HSD17B12: variants seen among roughly 807,000 people sequenced by gnomAD.
HSD17B12 encodes the protein hydroxysteroid 17-beta dehydrogenase 12, also known as very-long-chain 3-oxoacyl-CoA reductase.
HSD17B12 carries 32 observed loss-of-function variants against 39.3 expected under a neutral mutation model. The observed-to-expected ratio is 0.81, with a 90% CI of 0.61 to 1.09. HSD17B12 has a LOEUF of 1.09. Ranked by LOEUF, HSD17B12 falls within the 50% of genes least tolerant of loss-of-function variation. HSD17B12 has a pLI of 0.00. For synonymous variants in HSD17B12, 150 were observed against 146.7 expected (o/e 1.02, Z -0.16); for missense variants, 342 against 382.9 (o/e 0.89, Z 0.89).
the HSD17B12 span, among the ~76,000 whole-genome samples, chr11:43,609,427 G>A: frequency 1.2e-4 from 18 of 151,554 alleles, no homozygotes; most frequent in African/African-American, 4.1e-4. Flanking sequence ...GTGCAGTGGT[G>A]CAGTCATGGT....
chr11:43,629,157 T>A, the HSD17B12 span, among the ~76,000 whole-genome samples: 1 of 152,200 alleles, frequency 6.6e-6, no homozygotes, highest in Admixed American at 6.5e-5. Context: ...GAAACATCTT[T>A]ATTCCTCTCT....
intron 1 of HSD17B12, among the ~76,000 whole-genome samples, chr11:43,683,688 CAA>C (rs1949772686): frequency 6.6e-6 from 1 of 152,162 alleles, no homozygotes; most frequent in African/African-American, 2.4e-5. Context: ...ATCTTAATCT[CAA>C]GAGTCTCTGT....
Position 43,816,326 on chromosome 11 carries a change from AT to A in HSD17B12, c.457-19del. Reference sequence around the variant, plus strand: ...ACTTTCATGATCAAGTGTATATAAAATTCTCAATATTTTTTTGCAGGTGATC... The same window carrying A: ...ACTTTCATGATCAAGTGTATATAAAATCTCAATATTTTTTTGCAGGTGATC... On this transcript the variant is annotated intron_variant, in intron 5 of 10. Coordinates refer to ENST00000278353, the MANE Select transcript of HSD17B12 (RefSeq NM_016142.3). The A allele has an allele frequency of 6.8e-7, 1 of 1,465,314 alleles. No homozygotes were observed. Among genetic ancestry groups the A allele is most frequent in the Non-Finnish European group, 9.2e-7 (1 of 1,081,522 alleles). 90.8% of individuals were successfully genotyped at this position (1,465,314 alleles called of 1,614,324 possible).
the HSD17B12 span, among the ~76,000 whole-genome samples, chr11:43,637,217 CTTT>C: frequency 4.6e-5 from 5 of 109,464 alleles, no homozygotes; most frequent in African/African-American, 6.4e-5. Flanking sequence ...GGTGTTTTTC[CTTT>C]TTTTTTTTTT....
At chr11:43,849,244 G>C (rs1951508406) in intron 9 of HSD17B12, among the ~76,000 whole-genome samples, 1 of 152,184 alleles carries the variant, frequency 6.6e-6, no homozygotes, top group Non-Finnish European at 1.5e-5. Context: ...GGTGGAGGTT[G>C]CAGTGAGCTG....
rs140675472 is a variant in HSD17B12 at position 43,699,683 on chromosome 11, G to C, written c.160+18696G>C. ...TTTAGTTTGGGTTCTCCCAAAATCA[G>C]ATGTTGAGACACATTCAAGTTCAGT... is the stretch of plus-strand genomic sequence containing the variant. On this transcript the variant is annotated intron_variant, in intron 1 of 10. Coordinates refer to ENST00000278353, the MANE Select transcript of HSD17B12 (RefSeq NM_016142.3). 3.3e-5 allele frequency among the ~76,000 whole-genome samples: 5 copies of C among 152,142 alleles called. No homozygotes were observed. The East Asian group carries it at 9.7e-4, about 29-fold the overall frequency.
At chr11:43,579,997 G>GCT in the HSD17B12 span, among the ~76,000 whole-genome samples, 12 of 152,096 alleles carry the variant, frequency 7.9e-5, no homozygotes, top group African/African-American at 2.9e-4. Context: ...TTCCCCCACT[G>GCT]GGGGACTATA....
intron 1 of HSD17B12, among the ~76,000 whole-genome samples, chr11:43,743,145 A>G (rs1380058226): frequency 6.6e-6 from 1 of 152,218 alleles, no homozygotes; most frequent in African/African-American, 2.4e-5. Flanking sequence ...CTGGGCATAA[A>G]TCTTTCTAAG....
chr11:43,797,910 C>T (rs1242465108), intron 3 of HSD17B12, among the ~76,000 whole-genome samples: 1 of 152,096 alleles, frequency 6.6e-6, no homozygotes, highest in Non-Finnish European at 1.5e-5. Context: ...AAATATTTTA[C>T]AACATGAAGA....
At chr11:43,565,733 T>G in the HSD17B12 span, among the ~76,000 whole-genome samples, 1 of 152,354 alleles carries the variant, frequency 6.6e-6, no homozygotes, top group South Asian at 2.1e-4. Flanking sequence ...TGACTCCCTT[T>G]TGTTCTGCGT....
At chr11:43,691,817 T>C (rs995020467) in intron 1 of HSD17B12, among the ~76,000 whole-genome samples, 2 of 152,236 alleles carry the variant, frequency 1.3e-5, no homozygotes, top group Non-Finnish European at 2.9e-5. Flanking sequence ...GCTTTCCTGC[T>C]TCTTGCAGCC....
intron 6 of HSD17B12, chr11:43,830,735 A>G (rs1019854282): frequency 3.2e-6 from 1 of 314,334 alleles, no homozygotes; most frequent in Admixed American, 5.0e-5. Context: ...TTCAGGCAAG[A>G]CTAATTTTAG....
At chr11:43,665,396 T>C in the HSD17B12 span, among the ~76,000 whole-genome samples, 3 of 152,134 alleles carry the variant, frequency 2.0e-5, no homozygotes, top group Admixed American at 2.0e-4. Flanking sequence ...TTTTTAAATT[T>C]TTTGTAGAGA....
At chr11:43,579,380 G>A in the HSD17B12 span, 1 of 152,062 alleles carries the variant, frequency 6.6e-6, no homozygotes, top group Non-Finnish European at 1.5e-5. Context: ...TTACCTGGAA[G>A]AACCCGCTTT....
At chr11:43,779,059 A>C (rs1398591308) in intron 3 of HSD17B12, among the ~76,000 whole-genome samples, 2 of 152,222 alleles carry the variant, frequency 1.3e-5, no homozygotes, top group Non-Finnish European at 2.9e-5. Context: ...AGAATTTGGC[A>C]GTTTAATTAA....
At chr11:43,557,988 T>G in the HSD17B12 span, among the ~76,000 whole-genome samples, 1 of 152,148 alleles carries the variant, frequency 6.6e-6, no homozygotes, top group Non-Finnish European at 1.5e-5. Context: ...CATGTGACGA[T>G]AGGGAGGTCA....
chr11:43,620,376 C>T, the HSD17B12 span, among the ~76,000 whole-genome samples: 1 of 152,046 alleles, frequency 6.6e-6, no homozygotes, highest in Non-Finnish European at 1.5e-5. Context: ...AAACAAGATC[C>T]GAGTTCTCAT....
At chr11:43,733,969 G>T in intron 1 of HSD17B12, 1 of 709,716 alleles carries the variant, frequency 1.4e-6, no homozygotes, top group South Asian at 1.5e-5. Flanking sequence ...TGCTGTTCTC[G>T]ACCACGTAAT....
At chr11:43,809,745 A>G (rs904378852) in intron 4 of HSD17B12, among the ~76,000 whole-genome samples, 1 of 152,164 alleles carries the variant, frequency 6.6e-6, no homozygotes, top group African/African-American at 2.4e-5. Context: ...GCTTGAACCC[A>G]GGAGACGGAT....
Sources: allele counts gnomAD v4.1 joint callset (sites outside exome capture counted in the v4.1 genomes callset), GRCh38; gene constraint gnomAD v4.1.1; transcripts MANE v1.5; gene names NCBI Gene and HGNC (gene_info 2026-07-23, HGNC 2026-07-21).